SPHKAP: variants seen among roughly 807,000 people sequenced by gnomAD.
SPHKAP encodes the protein SPHK1 interactor, AKAP domain containing, also known as A-kinase anchor protein SPHKAP.
SPHKAP carries 67 observed loss-of-function variants against 137.5 expected under a neutral mutation model. The ratio of observed to expected loss-of-function variants is 0.49; its 90% confidence interval spans 0.40 to 0.60. The LOEUF (loss-of-function observed/expected upper bound fraction) is 0.60. Ranked by LOEUF, SPHKAP falls within the 20% of genes least tolerant of loss-of-function variation. The pLI is 0.00. For synonymous variants in SPHKAP, 813 were observed against 785.3 expected, an observed-to-expected ratio of 1.04 and a Z score of -0.59; for missense variants, 2,097 against 2,069.3, an observed-to-expected ratio of 1.01 and a Z score of -0.26.
intron 1 of SPHKAP, among the ~76,000 whole-genome samples, chr2:228,168,621 C>G (rs561460806): frequency 4.4e-4 from 67 of 152,174 alleles, no homozygotes; most frequent in African/African-American, 1.5e-3. Context: ...TGGAAGTTAC[C>G]CCTTCTTTTT....
intron 3 of SPHKAP, among the ~76,000 whole-genome samples, chr2:228,054,529 C>G (rs1054086838): frequency 6.6e-6 from 1 of 151,956 alleles, no homozygotes; most frequent in East Asian, 1.9e-4. Flanking sequence ...TTTAGGGAGT[C>G]AATAATTTAG....
At chr2:228,049,609 G>A (rs1321217289) in intron 3 of SPHKAP, among the ~76,000 whole-genome samples, 4 of 152,178 alleles carry the variant, frequency 2.6e-5, no homozygotes, top group South Asian at 2.1e-4. Flanking sequence ...CAGCTAGTGA[G>A]CATAAGACCT....
intron 1 of SPHKAP, among the ~76,000 whole-genome samples, chr2:228,177,193 G>A (rs1700770111): frequency 6.7e-6 from 1 of 148,590 alleles, no homozygotes. Flanking sequence ...GGTCTTTTAA[G>A]CCTTTTTTTT....
chr2:228,117,676 T>C (rs1016982651), intron 2 of SPHKAP, among the ~76,000 whole-genome samples: 2 of 151,906 alleles, frequency 1.3e-5, no homozygotes, highest in Non-Finnish European at 2.9e-5. Context: ...TAAAGTTCTA[T>C]GAGTTTTGAA....
intron 3 of SPHKAP, among the ~76,000 whole-genome samples, chr2:228,104,446 T>C (rs568495459): frequency 1.3e-5 from 2 of 149,984 alleles, no homozygotes; most frequent in Non-Finnish European, 3.0e-5. Flanking sequence ...TTTGATCACG[T>C]GAGTCTAGAT....
chr2:228,099,716 T>C lies in SPHKAP; in HGVS notation c.246+9116A>G, dbSNP rs185439412. Among the ~76,000 whole-genome samples, 610 of 152,330 alleles carry C rather than the reference T, an allele frequency of 4.0e-3. 2 individuals carry two copies. The highest frequency in any genetic ancestry group is 4.5e-3 in the Non-Finnish European group (308 of 68,026). ...TATAATTTATTTCAGCAGTATTATG[T>C]AGTTCTCTTTGTAGAGATCTTTCAC... On this transcript the variant is annotated intron_variant, in intron 3 of 11. Transcript: ENST00000392056.
chr2:228,117,580 T>A (rs1039856457), intron 2 of SPHKAP, among the ~76,000 whole-genome samples: 1 of 152,174 alleles, frequency 6.6e-6, no homozygotes, highest in East Asian at 1.9e-4. Flanking sequence ...TTGACCTATT[T>A]GCTTGGCAAG....
intron 1 of SPHKAP, among the ~76,000 whole-genome samples, chr2:228,178,606 A>G (rs1700806497): frequency 6.6e-6 from 1 of 152,112 alleles, no homozygotes. Flanking sequence ...CATAAAATAG[A>G]TGACTAAAGA....
rs58091970 is a variant in SPHKAP at position 228,055,142 on chromosome 2, C to CAAAAAAA, written c.247-27606_247-27600dup. Among the ~76,000 whole-genome samples, 89 of 61,292 alleles carry CAAAAAAA rather than the reference C, an allele frequency of 1.5e-3. 3 individuals carry two copies. The Middle Eastern group carries it at 0.029, about 20-fold the overall frequency. The allele number at this position is 61,292 out of a possible 152,430, so 40.2% of individuals were successfully genotyped here. A position where few individuals can be genotyped will look rare whatever the true frequency, so the allele number is the denominator to read the frequency against. On this transcript the variant is annotated intron_variant, in intron 3 of 11. Transcript: ENST00000392056. ...GGGCAAAAAGAGTGAAACTCCACTC[C>CAAAAAAA]AAAAAAAAAAAAAAAAAGTGGTTTG...
chr2:228,038,798 G>A (rs977966319), intron 3 of SPHKAP, among the ~76,000 whole-genome samples: 1 of 152,124 alleles, frequency 6.6e-6, no homozygotes, highest in Non-Finnish European at 1.5e-5. Flanking sequence ...GCAGGTGACA[G>A]GTGTACAAGA....
At chr2:228,134,526 C>T (rs933452831) in intron 1 of SPHKAP, among the ~76,000 whole-genome samples, 2 of 152,156 alleles carry the variant, frequency 1.3e-5, no homozygotes, top group Admixed American at 6.5e-5. Flanking sequence ...TTTAGGCTGC[C>T]ACTTACTTAC....
intron 1 of SPHKAP, among the ~76,000 whole-genome samples, chr2:228,169,069 T>A (rs890477997): frequency 5.4e-5 from 8 of 149,412 alleles, no homozygotes; most frequent in African/African-American, 1.9e-4. Flanking sequence ...GTGAGGAAGC[T>A]GCAGAAGAAA....
chr2:228,115,821 C>T (rs991801172), intron 2 of SPHKAP, among the ~76,000 whole-genome samples: 23 of 152,026 alleles, frequency 1.5e-4, no homozygotes, highest in African/African-American at 4.3e-4. Context: ...TTCCTCTCTC[C>T]CCACCCACCC....
At chr2:227,982,433 C>T in intron 11 of SPHKAP, 2 of 912,824 alleles carry the variant, frequency 2.2e-6, no homozygotes, top group Non-Finnish European at 2.6e-6. Flanking sequence ...GAGGAAACAC[C>T]TTAGATTTGT....
intron 9 of SPHKAP, chr2:227,991,844 ACAAC>A: frequency 2.4e-6 from 1 of 412,020 alleles, no homozygotes; most frequent in Non-Finnish European, 3.3e-6. Flanking sequence ...AAGAAAAAAG[ACAAC>A]CAACAAACTG....
At position 228,023,953 on chromosome 2, in the gene SPHKAP, C is replaced by A. The variant is rs148529940; in HGVS notation, c.441+1441G>T. 2.4e-3 allele frequency among the ~76,000 whole-genome samples: 366 copies of A among 152,154 alleles called. 3 individuals are homozygous for A. Among genetic ancestry groups the A allele is most frequent in the Non-Finnish European group, 3.7e-3 (251 of 68,004 alleles). ...CTGAAAACCACCTGGAAATGACGTC[C>A]CATTCACTCTTTCCCGACTTGAACC... On this transcript the variant is annotated intron_variant, in intron 5 of 11. Transcript: ENST00000392056.
chr2:227,981,677 G>A lies in SPHKAP; in HGVS notation c.*40C>T. On this transcript the variant is annotated 3_prime_UTR_variant, in exon 12 of 12. Transcript: ENST00000392056. ...GAACAAACCACTGTAATCTAAGTTGGAATAAAGGGAAGGAATGATCTATAC... is the reference window on the plus strand; with the variant it reads ...GAACAAACCACTGTAATCTAAGTTGAAATAAAGGGAAGGAATGATCTATAC... 4 of 1,585,664 alleles carry A rather than the reference G, an allele frequency of 2.5e-6. No homozygotes were observed. Among genetic ancestry groups the A allele is most frequent in the Non-Finnish European group, 2.6e-6 (3 of 1,169,024 alleles).
At position 228,132,588 on chromosome 2, in the gene SPHKAP, A is replaced by G. The variant is rs140444119; in HGVS notation, c.33-503T>C. 1,623 of 658,824 alleles carry G rather than the reference A, an allele frequency of 2.5e-3. 25 individuals carry two copies. In the African/African-American group the frequency reaches 0.029, roughly 12 times the overall value. 40.8% of individuals were successfully genotyped at this position (658,824 alleles called of 1,614,324 possible). A position where few individuals can be genotyped will look rare whatever the true frequency, so the allele number is the denominator to read the frequency against. On this transcript the variant is annotated intron_variant, in intron 1 of 11. Coordinates refer to ENST00000392056, the MANE Select transcript of SPHKAP (RefSeq NM_001142644.2). ...ATGTCTTTACCATTCCTGCGGCTGG[A>G]GATAGCTCCTCAAATTCTCTATCTC...
At position 228,085,714 on chromosome 2, in the gene SPHKAP, C is replaced by G. The variant is rs150324504; in HGVS notation, c.246+23118G>C. The stretch of plus-strand genomic sequence containing the variant: ...AAAAAGGCTTTTAATGGCTTCTCTG[C>G]ACATTAAGTGACCTCCGTTACAGGT... On this transcript the variant is annotated intron_variant, in intron 3 of 11. Coordinates refer to ENST00000392056, the MANE Select transcript of SPHKAP (RefSeq NM_001142644.2). Among the ~76,000 whole-genome samples, 921 of 152,262 alleles carry G rather than the reference C, an allele frequency of 6.0e-3. 15 individuals are homozygous for G. Among genetic ancestry groups the G allele is most frequent in the African/African-American group, 0.021 (864 of 41,538 alleles).
Sources: allele counts gnomAD v4.1 joint callset (sites outside exome capture counted in the v4.1 genomes callset), GRCh38; gene constraint gnomAD v4.1.1; transcripts MANE v1.5; gene names NCBI Gene and HGNC (gene_info 2026-07-23, HGNC 2026-07-21).